Variants in TMEFF1 observed in about 807,000 individuals in gnomAD.
The protein encoded by TMEFF1 is tomoregulin-1.
TMEFF1 carries 20 observed loss-of-function variants against 47.5 expected under a neutral mutation model. The ratio of observed to expected loss-of-function variants is 0.42; its 90% CI spans 0.30 to 0.61. The LOEUF is 0.61. Ranked by LOEUF, TMEFF1 falls within the 20% of genes least tolerant of loss-of-function variation. TMEFF1 has a pLI of 0.19. For missense variants in TMEFF1, 411 were observed against 471.1 expected (o/e 0.87, Z 1.18); for synonymous variants, 162 against 166.3 (o/e 0.97, Z 0.20).
chr9:100,573,001 G>C (rs1839277292), intron 9 of TMEFF1, among the ~76,000 whole-genome samples: 1 of 147,874 alleles, frequency 6.8e-6, no homozygotes, highest in East Asian at 2.0e-4. Context: ...TTTTTTTTAA[G>C]AGACAGGGCC....
At chr9:100,537,473 A>T (rs1273414830) in intron 5 of TMEFF1, among the ~76,000 whole-genome samples, 2 of 152,168 alleles carry the variant, frequency 1.3e-5, no homozygotes, top group Non-Finnish European at 2.9e-5. Context: ...ATTAATTAGG[A>T]TGCATGTTTG....
At chr9:100,576,364 C>G (rs1839353770) in intron 9 of TMEFF1, 152 bp from the exon 10 acceptor site, 1 of 983,804 alleles carries the variant, frequency 1.0e-6, no homozygotes, top group South Asian at 1.7e-5. Flanking sequence ...TTCATCTTGT[C>G]TTGCAACAGA....
Position 100,485,153 on chromosome 9 carries a change from A to G in TMEFF1, c.196+11413A>G, listed in dbSNP as rs148598509. Among the ~76,000 whole-genome samples, 314 of 152,258 alleles carry G rather than the reference A, an allele frequency of 2.1e-3. 1 individual carries two copies. The highest frequency in any genetic ancestry group is 7.1e-3 in the African/African-American group (293 of 41,528). The stretch of plus-strand genomic sequence containing the variant: ...CTTTTTTTTGACTGAATAATATTTC[A>G]TTGTCTCGATAATACCACATTTTGT... On this transcript the variant is annotated intron_variant, in intron 1 of 9. Transcript: ENST00000374879.
At chr9:100,576,404 C>A in intron 9 of TMEFF1, 112 bp from the exon 10 acceptor site, 1 of 1,329,852 alleles carries the variant, frequency 7.5e-7, no homozygotes, top group South Asian at 1.5e-5. Flanking sequence ...CATGTAATTG[C>A]TTGCAATGTG....
chr9:100,509,248 T>G (rs1439343933), intron 3 of TMEFF1, 114 bp downstream of exon 3: 4 of 1,322,282 alleles, frequency 3.0e-6, no homozygotes, highest in Non-Finnish European at 3.9e-6. Context: ...TGGTGGTGGT[T>G]GTTGCGGGGA....
At chr9:100,545,727 A>G (rs1198206214) in intron 5 of TMEFF1, among the ~76,000 whole-genome samples, 1 of 152,162 alleles carries the variant, frequency 6.6e-6, no homozygotes, top group African/African-American at 2.4e-5. Flanking sequence ...CTTCCCTTAT[A>G]AAACTGAATG....
chr9:100,512,310 A>G (rs1837983436), intron 3 of TMEFF1, among the ~76,000 whole-genome samples: 1 of 152,200 alleles, frequency 6.6e-6, no homozygotes, highest in Non-Finnish European at 1.5e-5. Context: ...AAGATTTTAC[A>G]ATGGGTACTG....
At chr9:100,480,227 T>C (rs1249466732) in intron 1 of TMEFF1, among the ~76,000 whole-genome samples, 1 of 152,204 alleles carries the variant, frequency 6.6e-6, no homozygotes, top group Non-Finnish European at 1.5e-5. Context: ...CTTGGAGTAA[T>C]CATTCCCTTA....
At chr9:100,474,726 C>T (rs1412943742) in intron 1 of TMEFF1, among the ~76,000 whole-genome samples, 2 of 151,832 alleles carry the variant, frequency 1.3e-5, no homozygotes, top group African/African-American at 4.8e-5. Flanking sequence ...GTGTGTTTTG[C>T]GGGAGGGCCT....
At chr9:100,502,061 C>T (rs1837772133) in intron 2 of TMEFF1, among the ~76,000 whole-genome samples, 1 of 152,144 alleles carries the variant, frequency 6.6e-6, no homozygotes, top group African/African-American at 2.4e-5. Flanking sequence ...TCAAAGGCAA[C>T]ATCTGTTACT....
At chr9:100,530,850 A>C (rs1251720437) in intron 5 of TMEFF1, among the ~76,000 whole-genome samples, 1 of 152,158 alleles carries the variant, frequency 6.6e-6, no homozygotes, top group Non-Finnish European at 1.5e-5. Context: ...AAATACTGGC[A>C]AAACGAATCC....
chr9:100,570,312 G>A (rs1206607706), intron 8 of TMEFF1, among the ~76,000 whole-genome samples: 1 of 152,082 alleles, frequency 6.6e-6, no homozygotes, highest in Non-Finnish European at 1.5e-5. Flanking sequence ...GAGATTGCTG[G>A]ATCATATGGT....
At chr9:100,545,920 C>T (rs184184224) in intron 5 of TMEFF1, among the ~76,000 whole-genome samples, 109 of 152,270 alleles carry the variant, frequency 7.2e-4, no homozygotes, top group African/African-American at 2.6e-3. Flanking sequence ...CCAACAGGTT[C>T]CTCATTTCCA....
rs1405028064 is a variant in TMEFF1 at position 100,499,834 on chromosome 9, G to T, written c.306+960G>T. Among the ~76,000 whole-genome samples, 3 of 152,172 alleles carry T rather than the reference G, an allele frequency of 2.0e-5. No individual in the cohort carries two copies. In the East Asian group the frequency reaches 5.8e-4, roughly 29 times the overall value. On this transcript the variant is annotated intron_variant, in intron 2 of 9. Transcript: ENST00000374879. The stretch of plus-strand genomic sequence containing the variant: ...TTTGAAAACTGTAAACCATCAGGTG[G>T]TTTATTTTAATTAAAAGAAGTGGAG...
chr9:100,481,787 T>C (rs562888979), intron 1 of TMEFF1, among the ~76,000 whole-genome samples: 1 of 152,190 alleles, frequency 6.6e-6, no homozygotes, highest in African/African-American at 2.4e-5. Flanking sequence ...TATTTTTAAT[T>C]GTTGTTGTTT....
intron 1 of TMEFF1, among the ~76,000 whole-genome samples, chr9:100,494,305 AT>A (rs1273255484): frequency 6.6e-5 from 10 of 152,042 alleles, no homozygotes; most frequent in Non-Finnish European, 1.2e-4. Flanking sequence ...GTAGCACAAA[AT>A]TTTTTAAGAC....
At chr9:100,554,093 C>T (rs547856296) in intron 7 of TMEFF1, among the ~76,000 whole-genome samples, 31 of 152,268 alleles carry the variant, frequency 2.0e-4, no homozygotes, top group Admixed American at 9.1e-4. Context: ...CTTGTCCCAA[C>T]CCCCACCCCA....
chr9:100,511,834 G>A (rs1388281362), intron 3 of TMEFF1, among the ~76,000 whole-genome samples: 2 of 152,162 alleles, frequency 1.3e-5, no homozygotes, highest in East Asian at 3.9e-4. Flanking sequence ...GGGTGGGACG[G>A]AATCGTGTAG....
At chr9:100,504,356 T>C (rs1368892687) in intron 2 of TMEFF1, among the ~76,000 whole-genome samples, 1 of 152,192 alleles carries the variant, frequency 6.6e-6, no homozygotes, top group Non-Finnish European at 1.5e-5. Flanking sequence ...CCTAGGTATA[T>C]GCTTGTGAGG....
Sources: gnomAD v4.1 joint callset for allele counts (sites outside exome capture counted in the v4.1 genomes callset) on GRCh38, gnomAD v4.1.1 for gene constraint, MANE v1.5 for transcripts, NCBI Gene and HGNC (gene_info 2026-07-23, HGNC 2026-07-21) for gene names.